The following PRKCE variants were observed in gnomAD, a reference collection of about 807,000 sequenced individuals.
PRKCE encodes the protein protein kinase C epsilon type.
PRKCE carries 16 observed loss-of-function variants against 85.4 expected under a neutral mutation model. That is an observed-to-expected ratio of 0.19 (90% CI 0.13 to 0.28). PRKCE has a LOEUF of 0.28. Ranked by LOEUF, PRKCE falls within the 10% of genes least tolerant of loss-of-function variation. The pLI, the probability that PRKCE is intolerant of heterozygous loss-of-function variation, is 1.00. For synonymous variants in PRKCE, 388 were observed against 371.5 expected (o/e 1.04, Z -0.51); for missense variants, 573 against 975.2 (o/e 0.59, Z 5.49).
At chr2:45,828,877 C>T (rs181930742) in intron 1 of PRKCE, among the ~76,000 whole-genome samples, 1 of 152,082 alleles carries the variant, frequency 6.6e-6, no homozygotes, top group African/African-American at 2.4e-5. Flanking sequence ...TCCACAAACA[C>T]CTTTTTCTTT....
chr2:46,087,558 T>C (rs1407905483), intron 11 of PRKCE, among the ~76,000 whole-genome samples: 1 of 152,210 alleles, frequency 6.6e-6, no homozygotes, highest in East Asian at 1.9e-4. Flanking sequence ...CTAGAGCCCA[T>C]ATAATAAAGT....
At chr2:45,818,083 C>T (rs192186839) in intron 1 of PRKCE, among the ~76,000 whole-genome samples, 1 of 152,280 alleles carries the variant, frequency 6.6e-6, no homozygotes, top group Admixed American at 6.5e-5. Flanking sequence ...GACTTTTTCT[C>T]CTTCATGGGA....
intron 14 of PRKCE, among the ~76,000 whole-genome samples, chr2:46,176,997 A>G (rs958097165): frequency 2.0e-5 from 3 of 152,242 alleles, no homozygotes; most frequent in Non-Finnish European, 2.9e-5. Context: ...TGTTATCTCT[A>G]CTTCCTAGGT....
Position 45,900,613 on chromosome 2 carries a change from G to A in PRKCE, c.412+57550G>A, listed in dbSNP as rs541858028. ...GATGGTGGTTGCCATGGGCTAGAGG[G>A]AGGAGAGAATAGAGGACTATTGTTC... On this transcript the variant is annotated intron_variant, in intron 2 of 14. Coordinates refer to ENST00000306156, the MANE Select transcript of PRKCE (RefSeq NM_005400.3). 2.6e-5 allele frequency among the ~76,000 whole-genome samples: 4 copies of A among 152,320 alleles called. No homozygotes were observed. In the South Asian group the frequency reaches 8.3e-4, roughly 32 times the overall value.
chr2:45,880,309 C>G (rs1429571040), intron 2 of PRKCE, among the ~76,000 whole-genome samples: 1 of 152,160 alleles, frequency 6.6e-6, no homozygotes, highest in African/African-American at 2.4e-5. Flanking sequence ...GCCATTGTGT[C>G]TACTGCTGCA....
intron 11 of PRKCE, among the ~76,000 whole-genome samples, chr2:46,086,823 G>A (rs1242896122): frequency 6.6e-6 from 1 of 152,178 alleles, no homozygotes; most frequent in African/African-American, 2.4e-5. Flanking sequence ...TTGAGGGACT[G>A]GGGGTTTATG....
upstream of PRKCE, chr2:45,651,486 T>TA (rs1675117265): frequency 6.6e-6 from 1 of 151,948 alleles, no homozygotes; most frequent in South Asian, 2.1e-4. Context: ...TTTTAAAAAT[T>TA]TGGCTCCGAG....
intron 9 of PRKCE, among the ~76,000 whole-genome samples, chr2:46,007,913 A>T (rs1705345795): frequency 6.6e-6 from 1 of 152,192 alleles, no homozygotes; most frequent in Non-Finnish European, 1.5e-5. Flanking sequence ...TTGAATGGGG[A>T]CAGGAATCAA....
intron 1 of PRKCE, among the ~76,000 whole-genome samples, chr2:45,672,331 A>T (rs188363920): frequency 6.7e-6 from 1 of 149,260 alleles, no homozygotes; most frequent in East Asian, 2.0e-4. Context: ...TCCACCCATC[A>T]ATTCGTCCAT....
chr2:45,864,387 C>A (rs1359104943), intron 2 of PRKCE, among the ~76,000 whole-genome samples: 1 of 152,174 alleles, frequency 6.6e-6, no homozygotes, highest in Non-Finnish European at 1.5e-5. Flanking sequence ...ACCACACCAC[C>A]CTCATGTAAC....
intron 1 of PRKCE, among the ~76,000 whole-genome samples, chr2:45,778,417 C>T (rs1046261906): frequency 1.3e-5 from 2 of 152,106 alleles, no homozygotes; most frequent in African/African-American, 4.8e-5. Flanking sequence ...ATCCTCATTT[C>T]GACTGGTCAC....
At chr2:45,752,003 G>C (rs55866652) in intron 1 of PRKCE, among the ~76,000 whole-genome samples, 1 of 148,996 alleles carries the variant, frequency 6.7e-6, no homozygotes, top group African/African-American at 2.5e-5. Context: ...ATTTTTAGTA[G>C]AGACGGGGTT....
chr2:45,683,889 T>C (rs933273223), intron 1 of PRKCE, among the ~76,000 whole-genome samples: 1 of 152,184 alleles, frequency 6.6e-6, no homozygotes, highest in African/African-American at 2.4e-5. Flanking sequence ...GCAGCTAAGT[T>C]TGCAGCCAAT....
intron 2 of PRKCE, among the ~76,000 whole-genome samples, chr2:45,910,038 T>G (rs1697262928): frequency 7.3e-6 from 1 of 136,818 alleles, no homozygotes; most frequent in African/African-American, 2.7e-5. Context: ...TCCAGTAAAC[T>G]CACCGCCCCC....
intron 1 of PRKCE, among the ~76,000 whole-genome samples, chr2:45,663,714 C>T (rs1306409539): frequency 2.0e-5 from 3 of 151,754 alleles, no homozygotes; most frequent in East Asian, 1.9e-4. Context: ...ACCCAGGAGG[C>T]GGAAGTTGCA....
intron 11 of PRKCE, among the ~76,000 whole-genome samples, chr2:46,125,544 G>T (rs1012199871): frequency 3.9e-5 from 6 of 152,172 alleles, no homozygotes; most frequent in South Asian, 2.1e-4. Context: ...CGGTTTCCTA[G>T]ATATGGTTAA....
intron 10 of PRKCE, among the ~76,000 whole-genome samples, chr2:46,044,778 T>C (rs1046843190): frequency 6.6e-6 from 1 of 152,196 alleles, no homozygotes; most frequent in Non-Finnish European, 1.5e-5. Context: ...ACTGAGTTCC[T>C]CTTAGCTCTG....
chr2:45,924,032 T>C (rs574119809), intron 2 of PRKCE, among the ~76,000 whole-genome samples: 155 of 152,224 alleles, frequency 1.0e-3, no homozygotes, highest in Non-Finnish European at 1.8e-3. Context: ...CTTGGAGATA[T>C]TGAGAGGTGG....
intron 1 of PRKCE, among the ~76,000 whole-genome samples, chr2:45,735,165 C>T (rs886856646): frequency 1.3e-5 from 2 of 152,172 alleles, no homozygotes; most frequent in African/African-American, 2.4e-5. Context: ...GATTGCAACA[C>T]CACATGTGGT....
Sources: allele counts gnomAD v4.1 joint callset (sites outside exome capture counted in the v4.1 genomes callset), GRCh38; gene constraint gnomAD v4.1.1; transcripts MANE v1.5; gene names NCBI Gene and HGNC (gene_info 2026-07-23, HGNC 2026-07-21).